Variants in TSNAX observed in about 807,000 individuals in gnomAD.
The protein encoded by TSNAX is translin-associated protein X.
In TSNAX, 12 loss-of-function variants were observed where a neutral mutation model predicts 33.0. The observed-to-expected ratio is 0.36, with a 90% CI of 0.23 to 0.59. TSNAX has a LOEUF of 0.59. TSNAX is among the 20% of genes least tolerant of loss of function. The probability of loss-of-function intolerance (pLI) is 0.74; values close to 1 mark genes in which losing one functional copy is unlikely to be tolerated. For synonymous variants in TSNAX, 110 were observed against 117.2 expected (o/e 0.94, Z 0.40); for missense variants, 267 against 341.3 (o/e 0.78, Z 1.72).
intron 4 of TSNAX, among the ~76,000 whole-genome samples, chr1:231,560,328 A>T (rs1447650368): frequency 6.7e-6 from 1 of 149,924 alleles, no homozygotes; most frequent in African/African-American, 2.5e-5. Context: ...TTGCTTCGTT[A>T]CCCAGCAAAA....
intron 2 of TSNAX, chr1:231,534,547 T>C (rs560861234): frequency 2.6e-5 from 4 of 152,372 alleles, no homozygotes; most frequent in Non-Finnish European, 4.4e-5. Context: ...ATTACTATTA[T>C]GAGTAATTTA....
chr1:231,529,470 G>T (rs1273298203), intron 2 of TSNAX, 111 bp downstream of exon 2: 11 of 1,075,954 alleles, frequency 1.0e-5, no homozygotes, highest in African/African-American at 1.6e-5. Context: ...TTAGCTGGAG[G>T]TTTTGTGATG....
intron 4 of TSNAX, among the ~76,000 whole-genome samples, chr1:231,545,423 C>G (rs1034949045): frequency 6.6e-6 from 1 of 152,110 alleles, no homozygotes; most frequent in Non-Finnish European, 1.5e-5. Context: ...AACAACAAAA[C>G]GTCAGGTCTG....
intron 4 of TSNAX, among the ~76,000 whole-genome samples, chr1:231,544,573 C>T (rs1038403810): frequency 2.0e-5 from 3 of 152,218 alleles, no homozygotes; most frequent in African/African-American, 7.2e-5. Flanking sequence ...ATTGTGACAA[C>T]ATCAAGTTCC....
intron 4 of TSNAX, among the ~76,000 whole-genome samples, chr1:231,552,346 T>C (rs1267868040): frequency 1.3e-5 from 2 of 152,286 alleles, no homozygotes; most frequent in African/African-American, 4.8e-5. Flanking sequence ...ATTAGTGGAA[T>C]TCTATTTAGA....
At chr1:231,529,494 C>A in intron 2 of TSNAX, 135 bp downstream of exon 2, 1 of 787,484 alleles carries the variant, frequency 1.3e-6, no homozygotes, top group Non-Finnish European at 2.0e-6. Flanking sequence ...CTAGATGTAC[C>A]CTAAAAGTCT....
Position 231,542,612 on chromosome 1 carries a change from G to T in TSNAX, c.367+1G>T. On this transcript the variant is annotated splice_donor_variant, in intron 4 of 5. Coordinates refer to ENST00000366639, the MANE Select transcript of TSNAX (RefSeq NM_005999.3). LOFTEE classifies it high-confidence loss of function. ...CAGTTCCATCGAGCCATTACTACAG[G>T]TAAGTCTAGGTTTGTTTCAGGGTAA... is the stretch of plus-strand genomic sequence containing the variant. 6.2e-7 allele frequency: 1 copy of T among 1,613,290 alleles called. No individual in the cohort carries two copies. The highest frequency in any genetic ancestry group is 8.5e-7 in the Non-Finnish European group (1 of 1,179,616).
chr1:231,534,627 A>G (rs995396470), intron 2 of TSNAX: 1 of 152,202 alleles, frequency 6.6e-6, no homozygotes, highest in Non-Finnish European at 1.5e-5. Flanking sequence ...ACATTATTCC[A>G]TGTTAGGGGC....
intron 4 of TSNAX, among the ~76,000 whole-genome samples, chr1:231,555,460 G>T (rs928810540): frequency 1.1e-4 from 17 of 152,076 alleles, no homozygotes; most frequent in Non-Finnish European, 2.1e-4. Context: ...ATTTTGGAAA[G>T]ATTAATACAA....
chr1:231,554,270 A>G (rs966490163), intron 4 of TSNAX, among the ~76,000 whole-genome samples: 7 of 152,212 alleles, frequency 4.6e-5, no homozygotes, highest in African/African-American at 1.7e-4. Context: ...AAGTACAACT[A>G]GATAGTTCTG....
chr1:231,532,184 A>ACACACACACACACACACACACC, intron 2 of TSNAX, among the ~76,000 whole-genome samples: 1 of 113,686 alleles, frequency 8.8e-6, no homozygotes, highest in Non-Finnish European at 1.9e-5. Flanking sequence ...ACACACACAC[A>ACACACACACACACACACACACC]CAGTTTTGGT....
rs1457589595 is a variant in TSNAX, at chr1:231,564,437, A to C, written c.496-91A>C. 2.7e-6 allele frequency: 4 copies of C among 1,496,794 alleles called. No individual in the cohort carries two copies. The Admixed American group carries it at 9.2e-5, about 35-fold the overall frequency. 92.7% of individuals were successfully genotyped at this position (1,496,794 alleles called of 1,614,324 possible). ...CTATTGATTTTGTACTTCTATAATA[A>C]ATGTGATACATGCTATATTCACTCT... On this transcript the variant is annotated intron_variant, in intron 5 of 5. Coordinates refer to ENST00000366639, the MANE Select transcript of TSNAX (RefSeq NM_005999.3).
intron 4 of TSNAX, among the ~76,000 whole-genome samples, chr1:231,560,049 G>C (rs553352891): frequency 1.3e-5 from 2 of 149,894 alleles, no homozygotes; most frequent in South Asian, 2.1e-4. Context: ...GCATGATCTT[G>C]GCTCACTGCA....
chr1:231,537,898 ATTAAACT>A (rs1659287415), intron 3 of TSNAX, among the ~76,000 whole-genome samples: 1 of 152,188 alleles, frequency 6.6e-6, no homozygotes, highest in Admixed American at 6.5e-5. Context: ...AGCCTGTTAC[ATTAAACT>A]TTATTTGGAT....
intron 2 of TSNAX, chr1:231,535,807 A>G (rs1438410265): frequency 1.3e-5 from 2 of 152,216 alleles, no homozygotes; most frequent in Non-Finnish European, 2.9e-5. Context: ...AATTGTGAAA[A>G]TGCTTTGTTC....
At chr1:231,545,027 A>G (rs1659812791) in intron 4 of TSNAX, among the ~76,000 whole-genome samples, 3 of 152,214 alleles carry the variant, frequency 2.0e-5, no homozygotes, top group African/African-American at 7.2e-5. Context: ...TCTTTTCTGT[A>G]AAAAGTCTTT....
chr1:231,540,662 C>T (rs544559908), intron 3 of TSNAX, among the ~76,000 whole-genome samples: 32 of 152,202 alleles, frequency 2.1e-4, no homozygotes, highest in Admixed American at 1.0e-3. Flanking sequence ...TAGTGGTGTT[C>T]GCGTCACTTA....
chr1:231,542,816 G>T, intron 4 of TSNAX: 1 of 465,736 alleles, frequency 2.1e-6, no homozygotes, highest in Middle Eastern at 5.4e-4. Context: ...GTCATTGATT[G>T]ATTTTAATAA....
intron 4 of TSNAX, among the ~76,000 whole-genome samples, chr1:231,552,779 C>T (rs1443347877): frequency 6.6e-6 from 1 of 152,202 alleles, no homozygotes. Flanking sequence ...CCCCTGGTCA[C>T]CACTAATCTA....
Sources: gnomAD v4.1 joint callset for allele counts (sites outside exome capture counted in the v4.1 genomes callset) on GRCh38, gnomAD v4.1.1 for gene constraint, MANE v1.5 for transcripts, NCBI Gene and HGNC (gene_info 2026-07-23, HGNC 2026-07-21) for gene names.